HDAC2: variants seen among roughly 807,000 people sequenced by gnomAD.
The protein encoded by HDAC2 is histone deacetylase 2.
HDAC2 carries 5 observed loss-of-function variants against 68.5 expected under a neutral mutation model. The observed-to-expected ratio is 0.07, with a 90% CI of 0.04 to 0.15. The LOEUF (loss-of-function observed/expected upper bound fraction) is 0.15, where lower values mean the gene tolerates loss of function less well. Among genes scored for constraint, HDAC2 ranks in the 10% least tolerant of loss-of-function variants. The pLI is 1.00. For synonymous variants in HDAC2, 182 were observed against 191.3 expected (o/e 0.95, Z 0.40); for missense variants, 291 against 600.8 (o/e 0.48, Z 5.39).
At chr6:113,969,027 T>C (rs998043962) in intron 1 of HDAC2, among the ~76,000 whole-genome samples, 5 of 152,196 alleles carry the variant, frequency 3.3e-5, no homozygotes, top group African/African-American at 9.7e-5. Flanking sequence ...CTGACAAGGA[T>C]AAATCTCTAA....
chr6:113,941,878 A>G (rs1032029035), intron 12 of HDAC2, 113 bp from the exon 13 acceptor site: 7 of 314,822 alleles, frequency 2.2e-5, no homozygotes, highest in Non-Finnish European at 3.9e-5. Context: ...CAATCTTATT[A>G]TTAATGAATT....
In HDAC2 at chr6:113,949,066, T is replaced by C; in HGVS notation, c.754A>G (p.Met252Val). ...AATACCACAGCACTAGGTTGATACA[T>C]CTCCATCACCTTTGAGATAATCTAC... Reference protein sequence around the residue: ...FKPIISKVMEMYQPSAVVLQC... With the variant: ...FKPIISKVMEVYQPSAVVLQC... The change falls in exon 8 of 14, where the codon ATG becomes GTG. Residue 252 changes from methionine (M) to valine (V), a missense_variant. Physicochemically the swap from Met to Val is conservative, Grantham distance 21 (BLOSUM62 1). Around this residue, in one of 2 missense-constraint regions of HDAC2, gnomAD observed 154 missense variants for 472.1 expected, o/e 0.33. Coordinates refer to ENST00000519065, the MANE Select transcript of HDAC2 (RefSeq NM_001527.4). 1 of 1,613,118 alleles carries C rather than the reference T, an allele frequency of 6.2e-7. No homozygotes were observed. The highest frequency in any genetic ancestry group is 8.5e-7 in the Non-Finnish European group (1 of 1,179,618).
intron 5 of HDAC2, 68 bp downstream of exon 5, chr6:113,955,945 A>G: frequency 8.5e-7 from 1 of 1,178,412 alleles, no homozygotes; most frequent in Non-Finnish European, 1.2e-6. Flanking sequence ...AAAGCCATAG[A>G]CTTTATTTAT....
chr6:113,959,196 C>T (rs777338563), intron 2 of HDAC2, among the ~76,000 whole-genome samples: 7 of 151,984 alleles, frequency 4.6e-5, no homozygotes, highest in African/African-American at 1.7e-4. Flanking sequence ...TTCCTTGTTC[C>T]GAAGAGCTCA....
chr6:113,952,843 A>G (rs1776452700), intron 6 of HDAC2, among the ~76,000 whole-genome samples: 2 of 151,736 alleles, frequency 1.3e-5, no homozygotes, highest in Non-Finnish European at 1.5e-5. Context: ...AAGCTTAAAG[A>G]AAAAAAAAGA....
intron 13 of HDAC2, 38 bp downstream of exon 13, chr6:113,941,670 T>C (rs756054790): frequency 1.4e-5 from 11 of 791,428 alleles, no homozygotes; most frequent in Non-Finnish European, 2.0e-5. Flanking sequence ...AGTATTTTTA[T>C]AGTATGTAAA....
At chr6:113,968,105 T>C (rs1776866534) in intron 1 of HDAC2, among the ~76,000 whole-genome samples, 1 of 152,182 alleles carries the variant, frequency 6.6e-6, no homozygotes, top group African/African-American at 2.4e-5. Context: ...GTGGCAGACA[T>C]TCTGTGTGGC....
Position 113,940,505 on chromosome 6 carries a change from T to A in HDAC2, c.*553A>T, listed in dbSNP as rs1206927597. 1 of 152,296 alleles carries A rather than the reference T, an allele frequency of 6.6e-6. No homozygotes were observed. Among genetic ancestry groups the A allele is most frequent in the East Asian group, 1.9e-4 (1 of 5,202 alleles). The allele number at this position is 152,296 out of a possible 1,614,324, so 9.4% of individuals were successfully genotyped here. ...GATGTTAATCTTCACTGATACTAACTGGCTAAGCTATAGAGGGCAAGGTGG... is the reference window on the plus strand; with the variant it reads ...GATGTTAATCTTCACTGATACTAACAGGCTAAGCTATAGAGGGCAAGGTGG... On this transcript the variant is annotated 3_prime_UTR_variant, in exon 14 of 14. Coordinates refer to ENST00000519065, the MANE Select transcript of HDAC2 (RefSeq NM_001527.4).
At chr6:113,943,107 A>G (rs1370963560) in intron 12 of HDAC2, among the ~76,000 whole-genome samples, 1 of 152,138 alleles carries the variant, frequency 6.6e-6, no homozygotes, top group Non-Finnish European at 1.5e-5. Flanking sequence ...AATGTTCACT[A>G]TTTTAAACCT....
At position 113,938,640 on chromosome 6, in the gene HDAC2, A is replaced by G. The variant is rs147309524; in HGVS notation, c.*2418T>C. On this transcript the variant is annotated 3_prime_UTR_variant, in exon 14 of 14. Coordinates refer to ENST00000519065, the MANE Select transcript of HDAC2 (RefSeq NM_001527.4). The stretch of plus-strand genomic sequence containing the variant: ...TAATGTCTTTCCTTGCCAATTTCAA[A>G]TATCATTTTTATCCTATATGAATTT... 8 of 152,314 alleles carry G rather than the reference A, an allele frequency of 5.3e-5. No homozygotes were observed. Among genetic ancestry groups the G allele is most frequent in the East Asian group, 1.9e-4 (1 of 5,190 alleles). 9.4% of individuals were successfully genotyped at this position (152,314 alleles called of 1,614,324 possible). A position where few individuals can be genotyped will look rare whatever the true frequency, so the allele number is the denominator to read the frequency against.
chr6:113,951,760 C>T (rs940226671), intron 6 of HDAC2, among the ~76,000 whole-genome samples: 1 of 152,184 alleles, frequency 6.6e-6, no homozygotes, highest in African/African-American at 2.4e-5. Flanking sequence ...AGACACCGCG[C>T]CCGGCCCAGC....
chr6:113,954,563 G>C, intron 5 of HDAC2, among the ~76,000 whole-genome samples: 1 of 152,162 alleles, frequency 6.6e-6, no homozygotes, highest in East Asian at 1.9e-4. Context: ...AGCTGAGTGG[G>C]CAAGAACTTG....
chr6:113,958,807 C>T (rs754318736), intron 2 of HDAC2, 41 bp from the exon 3 acceptor site: 17 of 1,112,230 alleles, frequency 1.5e-5, no homozygotes, highest in African/African-American at 1.1e-4. Flanking sequence ...GAATTACAAC[C>T]GGTTATATCA....
intron 6 of HDAC2, among the ~76,000 whole-genome samples, chr6:113,951,449 A>G (rs900084019): frequency 7.9e-5 from 12 of 151,564 alleles, no homozygotes; most frequent in Non-Finnish European, 1.6e-4. Flanking sequence ...GTTATCCTGA[A>G]AACATCAGCA....
At chr6:113,956,204 T>G in intron 4 of HDAC2, 53 bp from the exon 5 acceptor site, 1 of 1,459,972 alleles carries the variant, frequency 6.8e-7, no homozygotes, top group Non-Finnish European at 9.3e-7. Flanking sequence ...AAAAAAGTAG[T>G]AGAATGAGAC....
chr6:113,968,238 A>G (rs1776873043), intron 1 of HDAC2: 1 of 152,190 alleles, frequency 6.6e-6, no homozygotes, highest in Non-Finnish European at 1.5e-5. Flanking sequence ...TCCTTTACCA[A>G]GAAGTTAAAA....
At chr6:113,950,182 G>T (rs1776375702) in intron 6 of HDAC2, among the ~76,000 whole-genome samples, 1 of 151,992 alleles carries the variant, frequency 6.6e-6, no homozygotes, top group Admixed American at 6.6e-5. Context: ...AGACGCAAAG[G>T]TTCCAGCTAC....
At chr6:113,965,891 C>A (rs967676662) in intron 1 of HDAC2, among the ~76,000 whole-genome samples, 2 of 152,192 alleles carry the variant, frequency 1.3e-5, no homozygotes, top group Non-Finnish European at 2.9e-5. Flanking sequence ...TTGAATTCTT[C>A]CAAGTTTGAA....
intron 1 of HDAC2, chr6:113,968,590 C>T (rs1359476874): frequency 6.6e-6 from 1 of 152,176 alleles, no homozygotes; most frequent in Non-Finnish European, 1.5e-5. Context: ...ACTAGGAACT[C>T]CACTTTAACA....
Sources: gnomAD v4.1 joint callset for allele counts (sites outside exome capture counted in the v4.1 genomes callset) on GRCh38, gnomAD v4.1.1 for gene constraint, gnomAD v4.1.1 regional missense constraint, MANE v1.5 for transcripts, NCBI Gene and HGNC (gene_info 2026-07-23, HGNC 2026-07-21) for gene names.